ANKMY1: variants seen among roughly 807,000 people sequenced by gnomAD.
The protein encoded by ANKMY1 is ankyrin repeat and MYND domain containing 1.
ANKMY1 carries 98 observed loss-of-function variants against 102.0 expected under a neutral mutation model. The ratio of observed to expected loss-of-function variants is 0.96; its 90% CI spans 0.82 to 1.14. The LOEUF is 1.14. Ranked by LOEUF, ANKMY1 falls within the 50% of genes most tolerant of loss-of-function variation. ANKMY1 has a pLI of 0.00. For synonymous variants in ANKMY1, 582 were observed against 559.9 expected (o/e 1.04, Z -0.56); for missense variants, 1,330 against 1,347.6 (o/e 0.99, Z 0.20).
At chr2:240,476,784 C>A (rs568905681), downstream of ANKMY1, among the ~76,000 whole-genome samples, 1 of 152,186 alleles carries the variant, frequency 6.6e-6, no homozygotes, top group Non-Finnish European at 1.5e-5. Flanking sequence ...TTCATTAAAA[C>A]GGTGGTGAGA....
chr2:240,552,916 G>A lies in ANKMY1; in HGVS notation c.478C>T (p.Gln160Ter), dbSNP rs994534222. The change falls in exon 4 of 18, where the codon CAG becomes TAG. Residue 160 changes from glutamine to a stop codon, truncating the protein, a stop_gained and splice_region_variant. Coordinates refer to ENST00000401804, the MANE Select transcript of ANKMY1 (RefSeq NM_001282771.3). LOFTEE classifies it high-confidence loss of function. ...TGAACACATGGCAGCCCCCTCACCT[G>A]GAAAAGCCGTGTCTTCATGTACATG... The part of the protein sequence containing the change: ...GTMYMKTRLF[Q>*]GLYKADQRFG... 15 of 1,613,590 alleles carry A rather than the reference G, an allele frequency of 9.3e-6. No homozygotes were observed. The highest frequency in any genetic ancestry group is 1.1e-5 in the Non-Finnish European group (13 of 1,179,998).
intron 15 of ANKMY1, among the ~76,000 whole-genome samples, chr2:240,487,368 T>A (rs146545096): frequency 5.3e-5 from 8 of 152,364 alleles, no homozygotes; most frequent in African/African-American, 1.9e-4. Flanking sequence ...ATTTTCTTTA[T>A]CCATTTATTT....
At chr2:240,534,170 A>ATCCACTGGAGCTTATCCACAG (rs1277437936) in intron 4 of ANKMY1, among the ~76,000 whole-genome samples, 5 of 152,230 alleles carry the variant, frequency 3.3e-5, no homozygotes, top group Middle Eastern at 3.2e-3. Flanking sequence ...AGTTTCAGGC[A>ATCCACTGGAGCTTATCCACAG]TCCACTGGAG....
At chr2:240,560,445 C>T (rs1280958878), upstream of ANKMY1, 1 of 487,964 alleles carries the variant, frequency 2.0e-6, no homozygotes, top group Non-Finnish European at 3.2e-6. Context: ...GGTCCAAGGC[C>T]CCGGCGCCCT....
chr2:240,537,335 A>C lies in ANKMY1; in HGVS notation c.481-7826T>G, dbSNP rs141289813. Among the ~76,000 whole-genome samples the C allele has an allele frequency of 6.2e-4, 94 of 152,318 alleles. 1 individual carries two copies. In the East Asian group the frequency reaches 0.018, roughly 28 times the overall value. On this transcript the variant is annotated intron_variant, in intron 4 of 17. Coordinates refer to ENST00000401804, the MANE Select transcript of ANKMY1 (RefSeq NM_001282771.3). ...CGCCTATTGTCTTCATGTTCGTAGG[A>C]TTTCCGATACAAAAAACAATATCCA...
chr2:240,560,652 C>G, upstream of ANKMY1: 1 of 1,476,316 alleles, frequency 6.8e-7, no homozygotes, highest in South Asian at 1.3e-5. Flanking sequence ...AATAGATCCT[C>G]AGGGCCCAAA....
intron 9 of ANKMY1, among the ~76,000 whole-genome samples, chr2:240,518,452 C>T (rs2081568134): frequency 6.6e-6 from 1 of 152,140 alleles, no homozygotes; most frequent in Non-Finnish European, 1.5e-5. Flanking sequence ...CAATTTTAGT[C>T]GGTTGAGGAC....
At chr2:240,521,124 G>T (rs900417031) in intron 8 of ANKMY1, among the ~76,000 whole-genome samples, 2 of 152,146 alleles carry the variant, frequency 1.3e-5, no homozygotes, top group African/African-American at 4.8e-5. Context: ...GCCGCGCAGG[G>T]CTGAGGGAGG....
At chr2:240,555,091 G>A in intron 2 of ANKMY1, 36 bp from the exon 3 acceptor site, 6 of 1,605,688 alleles carry the variant, frequency 3.7e-6, no homozygotes, top group Non-Finnish European at 5.1e-6. Flanking sequence ...GAAGAGTGAA[G>A]TGGCTGCAGT....
At chr2:240,555,279 C>T (rs908391106) in intron 2 of ANKMY1, 4 of 571,720 alleles carry the variant, frequency 7.0e-6, no homozygotes, top group African/African-American at 5.6e-5. Flanking sequence ...AGGCTGCCAA[C>T]GGATAGGAGA....
intron 15 of ANKMY1, among the ~76,000 whole-genome samples, chr2:240,494,865 G>C (rs1414549594): frequency 2.0e-5 from 3 of 152,004 alleles, no homozygotes; most frequent in Non-Finnish European, 4.4e-5. Flanking sequence ...GAGACAGAGG[G>C]CACAAGCTGT....
At chr2:240,469,748 T>G in the ANKMY1 span, among the ~76,000 whole-genome samples, 1 of 146,658 alleles carries the variant, frequency 6.8e-6, no homozygotes, top group African/African-American at 2.5e-5. Flanking sequence ...GTGCACACAC[T>G]TCTGCACATG....
intron 5 of ANKMY1, chr2:240,526,920 G>A (rs1559330210): frequency 2.7e-6 from 3 of 1,106,742 alleles, no homozygotes; most frequent in African/African-American, 1.6e-5. Context: ...ATGCCTCCTG[G>A]TGTGTACACA....
In ANKMY1 at chr2:240,526,353, G is replaced by C. The variant is rs1159910784; in HGVS notation, c.1046C>G (p.Ser349Cys). The C allele has an allele frequency of 6.2e-7, 1 of 1,614,244 alleles. No individual in the cohort carries two copies. Among genetic ancestry groups the C allele is most frequent in the Non-Finnish European group, 8.5e-7 (1 of 1,180,050 alleles). The change falls in exon 6 of 18, where the codon TCC (serine) becomes TGC (cysteine). Residue 349 changes from serine to cysteine, a missense_variant. Coordinates refer to ENST00000401804, the MANE Select transcript of ANKMY1 (RefSeq NM_001282771.3). The stretch of plus-strand genomic sequence containing the variant: ...CTCAGCCTTTAGGATCATCTCCATG[G>C]AAAGTTGCTCTTTGGGCCCACAGGG... Reference protein sequence around the residue: ...FAPCGPKEQLSMEMILKAEEG... With the variant: ...FAPCGPKEQLCMEMILKAEEG...
intron 17 of ANKMY1, 58 bp downstream of exon 17, chr2:240,480,879 G>GCGCCTT: frequency 1.3e-6 from 2 of 1,569,214 alleles, no homozygotes; most frequent in East Asian, 2.3e-5. Flanking sequence ...CCCCAGGCCT[G>GCGCCTT]CGCCTTCGCC....
upstream of ANKMY1, chr2:240,560,708 C>G (rs750196338): frequency 6.5e-7 from 1 of 1,528,162 alleles, no homozygotes; most frequent in East Asian, 2.7e-5. Context: ...AAGCTGGGCG[C>G]CGCGGGGCCG....
At chr2:240,535,535 G>A (rs2086519424) in intron 4 of ANKMY1, among the ~76,000 whole-genome samples, 1 of 152,202 alleles carries the variant, frequency 6.6e-6, no homozygotes, top group South Asian at 2.1e-4. Flanking sequence ...TCTAGAGAAC[G>A]TGGATTTTTC....
At chr2:240,549,650 A>G (rs1207679513) in intron 4 of ANKMY1, among the ~76,000 whole-genome samples, 1 of 152,258 alleles carries the variant, frequency 6.6e-6, no homozygotes. Context: ...TCTACAATGA[A>G]CTCAAAACAA....
Position 240,479,473 on chromosome 2 carries a change from A to G in ANKMY1, c.*136T>C, listed in dbSNP as rs2075087314. On this transcript the variant is annotated 3_prime_UTR_variant, in exon 18 of 18. Coordinates refer to ENST00000401804, the MANE Select transcript of ANKMY1 (RefSeq NM_001282771.3). Reference sequence around the variant, plus strand: ...AATTTATTGCGAGGTCGCAAGGGAGACACTGCTACAAAGCATGACCCCAAA... The same window carrying G: ...AATTTATTGCGAGGTCGCAAGGGAGGCACTGCTACAAAGCATGACCCCAAA... 1 of 1,044,908 alleles carries G rather than the reference A, an allele frequency of 9.6e-7. No homozygotes were observed. 64.7% of individuals were successfully genotyped at this position (1,044,908 alleles called of 1,614,324 possible).
Sources: allele counts gnomAD v4.1 joint callset (sites outside exome capture counted in the v4.1 genomes callset), GRCh38; gene constraint gnomAD v4.1.1; transcripts MANE v1.5; gene names NCBI Gene and HGNC (gene_info 2026-07-23, HGNC 2026-07-21).